The following EFCAB10 variants were observed in gnomAD, a reference collection of about 807,000 sequenced individuals.
EFCAB10 encodes EF-hand calcium-binding domain-containing protein 10.
EFCAB10 carries 7 observed loss-of-function variants against 7.7 expected under a neutral mutation model. That is an observed-to-expected ratio of 0.91 (90% confidence interval 0.52 to 1.72). EFCAB10 has a LOEUF of 1.72. EFCAB10 is among the 40% of genes most tolerant of loss of function. EFCAB10 has a pLI of 0.00. For synonymous variants in EFCAB10, 52 were observed against 21.0 expected (o/e 2.47, Z -4.03); for missense variants, 112 against 61.5 (o/e 1.82, Z -2.74).
chr7:105,579,463 C>T (rs1378893860), intron 1 of EFCAB10, among the ~76,000 whole-genome samples: 3 of 152,034 alleles, frequency 2.0e-5, no homozygotes, highest in Non-Finnish European at 4.4e-5. Flanking sequence ...GTGATGATCA[C>T]ACAAATTTAA....
chr7:105,566,146 C>T (rs889314091), intron 4 of EFCAB10, among the ~76,000 whole-genome samples: 12 of 150,444 alleles, frequency 8.0e-5, no homozygotes, highest in Admixed American at 2.7e-4. Context: ...GGCCTGGTGG[C>T]GGGCACCTGT....
At chr7:105,579,865 A>G (rs1180473557) in intron 1 of EFCAB10, among the ~76,000 whole-genome samples, 2 of 152,242 alleles carry the variant, frequency 1.3e-5, no homozygotes, top group Non-Finnish European at 2.9e-5. Context: ...AGTACTTTTC[A>G]ATTTTTAAAC....
intron 1 of EFCAB10, among the ~76,000 whole-genome samples, chr7:105,580,652 T>C (rs1217061698): frequency 6.6e-6 from 1 of 152,106 alleles, no homozygotes; most frequent in African/African-American, 2.4e-5. Context: ...TTGGCAAAAT[T>C]GGAATGTTTG....
chr7:105,565,769 A>G, intron 4 of EFCAB10: 3 of 653,572 alleles, frequency 4.6e-6, no homozygotes, highest in Non-Finnish European at 7.9e-6. Context: ...ATTTTAAAAC[A>G]TTGTCTATCT....
chr7:105,566,670 T>G (rs1791763249), intron 4 of EFCAB10: 1 of 152,134 alleles, frequency 6.6e-6, no homozygotes, highest in Admixed American at 6.6e-5. Context: ...AAATTATGTT[T>G]GGGTTTTGTG....
chr7:105,568,286 G>T (rs1791843298), intron 3 of EFCAB10, among the ~76,000 whole-genome samples: 1 of 152,070 alleles, frequency 6.6e-6, no homozygotes, highest in Non-Finnish European at 1.5e-5. Context: ...TTCAATAATA[G>T]TTACTTGACT....
intron 3 of EFCAB10, among the ~76,000 whole-genome samples, chr7:105,568,035 T>C (rs1791837833): frequency 6.6e-6 from 1 of 152,168 alleles, no homozygotes; most frequent in South Asian, 2.1e-4. Flanking sequence ...GTGAATAAGA[T>C]AGGATTGTTC....
intron 4 of EFCAB10, chr7:105,565,660 A>G: frequency 6.7e-7 from 1 of 1,487,292 alleles, no homozygotes; most frequent in Non-Finnish European, 9.4e-7. Flanking sequence ...TAAGCTCAAC[A>G]TTTAACAATT....
At chr7:105,578,171 C>T (rs1404700946) in intron 1 of EFCAB10, among the ~76,000 whole-genome samples, 2 of 152,160 alleles carry the variant, frequency 1.3e-5, no homozygotes, top group African/African-American at 4.8e-5. Flanking sequence ...GTTGTCCTGG[C>T]ATAATTATTA....
chr7:105,570,207 C>CCG (rs1562866287), intron 1 of EFCAB10, among the ~76,000 whole-genome samples: 2 of 38,502 alleles, frequency 5.2e-5, no homozygotes, highest in African/African-American at 9.7e-5. Flanking sequence ...GAGCAAGACT[C>CCG]TCTCAAAAAA....
In EFCAB10 at chr7:105,577,275, G is replaced by T. The variant is rs60849892; in HGVS notation, c.106+4083C>A. ...GGCTTTTTGTGCTGGAGGAAAAAAAGAATCTTCAAGATGCTAAATTGTTTG... is the reference window on the plus strand; with the variant it reads ...GGCTTTTTGTGCTGGAGGAAAAAAATAATCTTCAAGATGCTAAATTGTTTG... On this transcript the variant is annotated intron_variant, in intron 1 of 4. Transcript: ENST00000480514. Among the ~76,000 whole-genome samples the T allele has an allele frequency of 2.6e-3, 393 of 152,234 alleles. 3 individuals are homozygous for T. The highest frequency in any genetic ancestry group is 9.1e-3 in the African/African-American group (379 of 41,552).
chr7:105,576,060 G>A (rs944131076), intron 1 of EFCAB10, among the ~76,000 whole-genome samples: 2 of 152,090 alleles, frequency 1.3e-5, no homozygotes, highest in Non-Finnish European at 2.9e-5. Context: ...AATACCAGGG[G>A]CTTCACAAAG....
At chr7:105,567,102 T>A in intron 4 of EFCAB10, 1 of 1,466,198 alleles carries the variant, frequency 6.8e-7, no homozygotes, top group East Asian at 2.4e-5. Flanking sequence ...TTTCCCTCCT[T>A]TGTTTTCCCT....
At chr7:105,579,710 G>C (rs1351191711) in intron 1 of EFCAB10, among the ~76,000 whole-genome samples, 1 of 152,122 alleles carries the variant, frequency 6.6e-6, no homozygotes, top group Non-Finnish European at 1.5e-5. Flanking sequence ...ATCTAACCTA[G>C]AGGGAAAAAC....
At chr7:105,573,585 C>A (rs1791999818) in intron 1 of EFCAB10, 1 of 152,100 alleles carries the variant, frequency 6.6e-6, no homozygotes, top group Non-Finnish European at 1.5e-5. Flanking sequence ...CTTTTTAAAT[C>A]ATGAAAGGAA....
chr7:105,572,112 A>G (rs1331025253), intron 1 of EFCAB10: 1 of 152,206 alleles, frequency 6.6e-6, no homozygotes, highest in Non-Finnish European at 1.5e-5. Context: ...AATATAAAAT[A>G]TATTATTAAC....
Position 105,565,355 on chromosome 7 carries a change from A to G in EFCAB10, c.*92T>C. The G allele has an allele frequency of 1.9e-6, 3 of 1,614,226 alleles. No individual in the cohort carries two copies. The highest frequency in any genetic ancestry group is 2.5e-6 in the Non-Finnish European group (3 of 1,180,036). ...CGGCTTGCCCGTTGCTGCTGACGTT[A>G]CGAGACCATTTACTTCAGTTGGAGC... On this transcript the variant is annotated 3_prime_UTR_variant, in exon 5 of 5. Coordinates refer to ENST00000480514, the MANE Select transcript of EFCAB10 (RefSeq NM_001355526.2).
chr7:105,579,199 A>G (rs1792162431), intron 1 of EFCAB10, among the ~76,000 whole-genome samples: 1 of 152,244 alleles, frequency 6.6e-6, no homozygotes, highest in East Asian at 1.9e-4. Flanking sequence ...AGAAAGCGGT[A>G]AAGCAAGAAT....
chr7:105,580,091 T>C (rs527616038), intron 1 of EFCAB10, among the ~76,000 whole-genome samples: 1 of 152,134 alleles, frequency 6.6e-6, no homozygotes, highest in Non-Finnish European at 1.5e-5. Flanking sequence ...GTTCACGTGA[T>C]CCTCCCACAT....
Sources: gnomAD v4.1 joint callset for allele counts (sites outside exome capture counted in the v4.1 genomes callset) on GRCh38, gnomAD v4.1.1 for gene constraint, MANE v1.5 for transcripts, NCBI Gene and HGNC (gene_info 2026-07-23, HGNC 2026-07-21) for gene names.